Variants in ENTREP2 observed in about 807,000 individuals in gnomAD.
ENTREP2 encodes the protein endosomal transmembrane epsin interactor 2.
the ENTREP2 span, chr15:29,381,959 ACCATG>A: frequency 1.2e-6 from 1 of 816,850 alleles, no homozygotes; most frequent in Non-Finnish European, 2.0e-6. Flanking sequence ...TGGCGGGGCT[ACCATG>A]AGCTGCATTT....
chr15:29,558,215 CAG>C, the ENTREP2 span, among the ~76,000 whole-genome samples: 2 of 152,106 alleles, frequency 1.3e-5, no homozygotes, highest in Non-Finnish European at 2.9e-5. Flanking sequence ...TGAGGGCACT[CAG>C]AGAGGAGCAG....
At chr15:29,575,036 C>T in the ENTREP2 span, among the ~76,000 whole-genome samples, 2 of 152,154 alleles carry the variant, frequency 1.3e-5, no homozygotes, top group South Asian at 2.1e-4. Context: ...GTGTGCAGCA[C>T]GTGGGCTGCC....
chr15:29,333,546 C>T, the ENTREP2 span, among the ~76,000 whole-genome samples: 2 of 152,258 alleles, frequency 1.3e-5, no homozygotes, highest in Admixed American at 6.5e-5. Flanking sequence ...ACGTGGGCAG[C>T]GAGCTACACA....
chr15:29,289,147 C>T, the ENTREP2 span, among the ~76,000 whole-genome samples: 15 of 150,236 alleles, frequency 1.0e-4, no homozygotes, highest in African/African-American at 3.4e-4. Context: ...GCAGAGGTTG[C>T]AGCGAGCCAA....
the ENTREP2 span, chr15:29,233,838 T>G: frequency 6.3e-7 from 1 of 1,581,650 alleles, no homozygotes; most frequent in Admixed American, 1.7e-5. Context: ...TAAAAAGGAG[T>G]AGAATGAGGG....
chr15:29,289,956 A>G, the ENTREP2 span, among the ~76,000 whole-genome samples: 1 of 152,150 alleles, frequency 6.6e-6, no homozygotes, highest in African/African-American at 2.4e-5. Context: ...CATAAATAAA[A>G]TGCAGGATGT....
At chr15:29,268,190 G>A in the ENTREP2 span, 2 of 152,178 alleles carry the variant, frequency 1.3e-5, no homozygotes, top group African/African-American at 2.4e-5. Flanking sequence ...AATAACTACA[G>A]TAGCAAGAAG....
chr15:29,489,756 C>A, the ENTREP2 span, among the ~76,000 whole-genome samples: 5 of 152,186 alleles, frequency 3.3e-5, no homozygotes, highest in Non-Finnish European at 7.3e-5. Flanking sequence ...ACGCCCCTGC[C>A]TGATGCCGTC....
the ENTREP2 span, chr15:29,268,996 C>A: frequency 1.1e-5 from 17 of 1,613,988 alleles, no homozygotes; most frequent in Admixed American, 1.0e-4. Context: ...GTGGGGTATC[C>A]GCCGGTATTC....
At chr15:29,469,857 C>T in the ENTREP2 span, among the ~76,000 whole-genome samples, 2 of 152,164 alleles carry the variant, frequency 1.3e-5, no homozygotes, top group Non-Finnish European at 2.9e-5. Flanking sequence ...GCAGGTCCCC[C>T]GTAAGACTCT....
the ENTREP2 span, among the ~76,000 whole-genome samples, chr15:29,276,495 T>C: frequency 6.6e-6 from 1 of 152,166 alleles, no homozygotes. Context: ...CCAGACACAG[T>C]GACTGGTTCA....
chr15:29,381,695 CGCCACT>C, the ENTREP2 span: 1 of 1,195,062 alleles, frequency 8.4e-7, no homozygotes. Context: ...GAATTCTCTT[CGCCACT>C]GCCTCCAACC....
chr15:29,463,591 T>G, the ENTREP2 span, among the ~76,000 whole-genome samples: 1 of 152,106 alleles, frequency 6.6e-6, no homozygotes, highest in African/African-American at 2.4e-5. Flanking sequence ...TGTGGCAAGT[T>G]TTTGATTTTT....
At chr15:29,515,699 G>T in the ENTREP2 span, among the ~76,000 whole-genome samples, 34 of 152,178 alleles carry the variant, frequency 2.2e-4, no homozygotes, top group Admixed American at 2.2e-3. Context: ...AATGTGTTTT[G>T]CTTTAAGCTG....
At chr15:29,368,002 C>CAAAAA in the ENTREP2 span, among the ~76,000 whole-genome samples, 1 of 99,024 alleles carries the variant, frequency 1.0e-5, no homozygotes, top group African/African-American at 3.5e-5. Flanking sequence ...CATATTCAGG[C>CAAAAA]AAAAAAAAAA....
the ENTREP2 span, among the ~76,000 whole-genome samples, chr15:29,166,002 CA>C: frequency 1.3e-5 from 2 of 152,120 alleles, no homozygotes; most frequent in Non-Finnish European, 2.9e-5. Context: ...ACCAGGGATG[CA>C]GGGATGGTTT....
chr15:29,428,907 G>T, the ENTREP2 span, among the ~76,000 whole-genome samples: 1 of 152,240 alleles, frequency 6.6e-6, no homozygotes, highest in Non-Finnish European at 1.5e-5. Flanking sequence ...TCACTGCACA[G>T]AGAGGCAGCA....
chr15:29,674,238 T>C, the ENTREP2 span, among the ~76,000 whole-genome samples: 1 of 150,922 alleles, frequency 6.6e-6, no homozygotes, highest in Admixed American at 6.6e-5. Context: ...CTCCACCCTG[T>C]CCTGCTGCCT....
At chr15:29,579,686 ATTTTTTTTTTTTTTTTTTTTTTT>A in the ENTREP2 span, among the ~76,000 whole-genome samples, 2,132 of 55,790 alleles carry the variant, frequency 0.038, 50 homozygotes, top group Middle Eastern at 0.089. Flanking sequence ...CACCCAGCTA[ATTTTTTTTTTTTTTTTTTTTTTT>A]TTTTTTTTTT....
Sources: allele counts gnomAD v4.1 joint callset (sites outside exome capture counted in the v4.1 genomes callset), GRCh38; gene constraint gnomAD v4.1.1; transcripts MANE v1.5; gene names NCBI Gene and HGNC (gene_info 2026-07-23, HGNC 2026-07-21).